Variants in CDC25A observed in about 807,000 individuals in gnomAD.
CDC25A encodes the protein cell division cycle 25A, also known as M-phase inducer phosphatase 1.
A neutral mutation model predicts 64.6 loss-of-function variants in CDC25A; 17 were observed. The observed-to-expected ratio is 0.26, with a 90% CI of 0.18 to 0.39. CDC25A has a LOEUF of 0.39. CDC25A is among the 10% of genes least tolerant of loss of function. The pLI, the probability that CDC25A is intolerant of heterozygous loss-of-function variation, is 1.00. For missense variants in CDC25A, 473 were observed against 654.8 expected (o/e 0.72, Z 3.03); for synonymous variants, 229 against 238.6 (o/e 0.96, Z 0.37).
rs762736214 is a variant in CDC25A, at chr3:48,159,015, C to A, written c.1505G>T (p.Arg502Leu). 4 of 1,613,956 alleles carry A rather than the reference C, an allele frequency of 2.5e-6. No individual in the cohort carries two copies. Among genetic ancestry groups the A allele is most frequent in the Non-Finnish European group, 3.4e-6 (4 of 1,180,004 alleles). Residue 502 changes from arginine to leucine, a missense_variant, in exon 15 of 15, where the codon CGC becomes CTC. Transcript: ENST00000302506. ...CCCTGCCCAGGTCCGGCTCTTGGTG[C>A]GGAACTTCTTCAGGTCTTCTTTAAA... Reference protein sequence around the residue: ...EDFKEDLKKFRTKSRTWAGEK... With the variant: ...EDFKEDLKKFLTKSRTWAGEK...
At chr3:48,176,440 C>T (rs2032459415) in intron 8 of CDC25A, among the ~76,000 whole-genome samples, 2 of 150,032 alleles carry the variant, frequency 1.3e-5, no homozygotes, top group South Asian at 2.1e-4. Flanking sequence ...CACACATACA[C>T]TATAGATTCT....
chr3:48,172,751 C>A (rs1400389630), intron 9 of CDC25A, among the ~76,000 whole-genome samples: 1 of 152,166 alleles, frequency 6.6e-6, no homozygotes, highest in Non-Finnish European at 1.5e-5. Flanking sequence ...ATAGTCCCAG[C>A]TGCTTGAGAG....
At chr3:48,177,799 C>G (rs2032516978) in intron 7 of CDC25A, 55 bp downstream of exon 7, 3 of 1,602,342 alleles carry the variant, frequency 1.9e-6, no homozygotes, top group East Asian at 4.5e-5. Flanking sequence ...CATGCCTTCT[C>G]CAGAGGTAAT....
chr3:48,178,837 T>C (rs924880188), intron 6 of CDC25A, among the ~76,000 whole-genome samples: 1 of 152,204 alleles, frequency 6.6e-6, no homozygotes, highest in African/African-American at 2.4e-5. Context: ...AATCCACACC[T>C]GAAGATAAAT....
At chr3:48,164,277 C>T (rs1344317519) in intron 13 of CDC25A, 30 bp downstream of exon 13, 3 of 1,484,952 alleles carry the variant, frequency 2.0e-6, no homozygotes, top group East Asian at 2.6e-5. Context: ...GGAGCCTGTG[C>T]CCCAGAACCC....
rs146179438 is a variant in CDC25A, at chr3:48,187,876, C to T, written c.72G>A (p.Gln24=). ...CGCCAAATAGCGCCTTCACGACGGGCTGCGACGCGGGAGGGGGGCTGCAGG... is the reference window on the plus strand; with the variant it reads ...CGCCAAATAGCGCCTTCACGACGGGTTGCGACGCGGGAGGGGGGCTGCAGG... ...LFACSPPPAS[Q]PVVKALFGAS... The change falls in exon 1 of 15, where the codon CAG becomes CAA. Residue 24 remains glutamine, a synonymous_variant. Coordinates refer to ENST00000302506, the MANE Select transcript of CDC25A (RefSeq NM_001789.3). The T allele has an allele frequency of 6.5e-7, 1 of 1,547,218 alleles. No individual in the cohort carries two copies.
intron 2 of CDC25A, among the ~76,000 whole-genome samples, 156 bp downstream of exon 2, chr3:48,186,547 C>T (rs992711815): frequency 1.4e-5 from 2 of 146,906 alleles, no homozygotes; most frequent in Admixed American, 7.0e-5. Flanking sequence ...CCAGCCTGGG[C>T]GACAAGAGCG....
In CDC25A at chr3:48,177,905, C is replaced by T. The variant is rs1257389306; in HGVS notation, c.633G>A (p.Leu211=). 4 of 1,613,876 alleles carry T rather than the reference C, an allele frequency of 2.5e-6. No homozygotes were observed. The Admixed American group carries it at 5.0e-5, about 20-fold the overall frequency. The change falls in exon 7 of 15, where the codon TTG becomes TTA. Residue 211 remains leucine (L), a synonymous_variant. Transcript: ENST00000302506. ...FTPQSPVTAT[L]SDEDDGFVDL... is the part of the protein sequence containing the mutation. Reference sequence around the variant, plus strand: ...CCACGAAGCCATCATCCTCATCAGACAAAGTGGCTGTCACAGGTGACTGGG... The same window carrying T: ...CCACGAAGCCATCATCCTCATCAGATAAAGTGGCTGTCACAGGTGACTGGG...
chr3:48,177,527 C>T (rs2032508018), intron 7 of CDC25A, 85 bp from the exon 8 acceptor site: 1 of 1,013,844 alleles, frequency 9.9e-7, no homozygotes, highest in Non-Finnish European at 1.5e-6. Context: ...TCTCCCTGAA[C>T]AATACCAGAT....
chr3:48,165,413 C>T (rs2031965543), intron 12 of CDC25A, among the ~76,000 whole-genome samples: 1 of 66,012 alleles, frequency 1.5e-5, no homozygotes, highest in Admixed American at 2.2e-4. Flanking sequence ...GTGTGAGGGA[C>T]AAACATGAAG....
chr3:48,160,572 G>C lies in CDC25A; in HGVS notation c.1323-1117C>G, dbSNP rs1013354251. Among the ~76,000 whole-genome samples the C allele has an allele frequency of 4.7e-5, 7 of 148,722 alleles. No homozygotes were observed. The Admixed American group carries it at 4.7e-4, about 10-fold the overall frequency. ...ATTACAGGTGTCCGCCACCACGCCTGGCTAATTTTTGTATTTTTAGTAGAG... is the reference window on the plus strand; with the variant it reads ...ATTACAGGTGTCCGCCACCACGCCTCGCTAATTTTTGTATTTTTAGTAGAG... On this transcript the variant is annotated intron_variant, in intron 13 of 14. Transcript: ENST00000302506.
At chr3:48,160,881 G>A (rs989335140) in intron 13 of CDC25A, among the ~76,000 whole-genome samples, 3 of 152,036 alleles carry the variant, frequency 2.0e-5, no homozygotes, top group Non-Finnish European at 2.9e-5. Flanking sequence ...TTGGCTGGGC[G>A]CGGTGGCTCA....
chr3:48,181,790 T>TAA (rs2032679504), intron 5 of CDC25A: 2 of 426,676 alleles, frequency 4.7e-6, no homozygotes, highest in Admixed American at 4.4e-5. Context: ...CCATGAAGAA[T>TAA]CAAAAAAAAA....
intron 12 of CDC25A, among the ~76,000 whole-genome samples, chr3:48,164,937 G>A (rs1266187661): frequency 1.7e-4 from 25 of 149,002 alleles, no homozygotes; most frequent in African/African-American, 4.7e-4. Flanking sequence ...GTGAAACCCC[G>A]TCTCTACTAA....
At chr3:48,163,139 C>A (rs138427432) in intron 13 of CDC25A, among the ~76,000 whole-genome samples, 67 of 151,506 alleles carry the variant, frequency 4.4e-4, no homozygotes, top group African/African-American at 1.6e-3. Context: ...AAAAATTAGC[C>A]GGGTGTGGTG....
intron 8 of CDC25A, among the ~76,000 whole-genome samples, chr3:48,176,428 T>TAC (rs1259906696): frequency 6.6e-6 from 1 of 151,066 alleles, no homozygotes; most frequent in Non-Finnish European, 1.5e-5. Context: ...TGAATATATA[T>TAC]ACACACATAC....
Position 48,188,406 on chromosome 3 carries a change from T to A in CDC25A, c.-459A>T, listed in dbSNP as rs1041318758. 6.4e-6 allele frequency: 1 copy of A among 155,446 alleles called. No homozygotes were observed. Among genetic ancestry groups the A allele is most frequent in the African/African-American group, 2.4e-5 (1 of 41,588 alleles). The allele number at this position is 155,446 out of a possible 1,614,324, so 9.6% of individuals were successfully genotyped here. ...CAGCCAGGCCGGCCTTTCGCGGTAA[T>A]AGCGGCTCAGTGGGGCCAGCTGCTG... On this transcript the variant is annotated 5_prime_UTR_variant, in exon 1 of 15. Coordinates refer to ENST00000302506, the MANE Select transcript of CDC25A (RefSeq NM_001789.3).
At chr3:48,170,352 A>G (rs894193749) in intron 9 of CDC25A, among the ~76,000 whole-genome samples, 11 of 152,194 alleles carry the variant, frequency 7.2e-5, no homozygotes, top group Non-Finnish European at 1.5e-4. Flanking sequence ...ATCTACGACC[A>G]CCAGCTTTAA....
At chr3:48,167,975 A>G in intron 9 of CDC25A, 31 bp from the exon 10 acceptor site, 3 of 1,343,738 alleles carry the variant, frequency 2.2e-6, no homozygotes, top group Non-Finnish European at 3.2e-6. Flanking sequence ...AGAATGAGAC[A>G]AGGGTTCTGA....
Sources: gnomAD v4.1 joint callset for allele counts (sites outside exome capture counted in the v4.1 genomes callset) on GRCh38, gnomAD v4.1.1 for gene constraint, MANE v1.5 for transcripts, NCBI Gene and HGNC (gene_info 2026-07-23, HGNC 2026-07-21) for gene names.